Variants in KLHL21 observed in about 807,000 individuals in gnomAD.
KLHL21 encodes kelch-like protein 21.
In KLHL21, 42 loss-of-function variants were observed where a neutral mutation model predicts 44.1. The observed-to-expected ratio is 0.95, with a 90% CI of 0.74 to 1.23. KLHL21 has a LOEUF of 1.23. Ranked by LOEUF, KLHL21 falls within the 50% of genes most tolerant of loss-of-function variation. The pLI, the probability that KLHL21 is intolerant of heterozygous loss-of-function variation, is 0.00. For synonymous variants in KLHL21, 524 were observed against 411.6 expected, an observed-to-expected ratio of 1.27 and a Z score of -3.31; for missense variants, 918 against 889.1, an observed-to-expected ratio of 1.03 and a Z score of -0.41.
intron 2 of KLHL21, among the ~76,000 whole-genome samples, chr1:6,596,070 C>T (rs548389968): frequency 7.2e-5 from 11 of 152,326 alleles, no homozygotes; most frequent in African/African-American, 2.6e-4. Flanking sequence ...CCCTTTATAT[C>T]CCCACAGTAA....
intron 1 of KLHL21, among the ~76,000 whole-genome samples, chr1:6,601,154 A>C (rs1284881936): frequency 2.0e-5 from 3 of 152,236 alleles, no homozygotes; most frequent in African/African-American, 7.2e-5. Context: ...AAAACCGTAG[A>C]AGCCCAAACT....
At position 6,591,111 on chromosome 1, in the gene KLHL21, CTG is replaced by C; in HGVS notation, c.*2252_*2253del. On this transcript the variant is annotated 3_prime_UTR_variant, in exon 4 of 4. Coordinates refer to ENST00000377658, the MANE Select transcript of KLHL21 (RefSeq NM_014851.4). ...GCCCAGAACCCACAGCAGAGGGAAACTGGGGAGAGGAGGGGGCCTGACCCTGG... is the reference window on the plus strand; with the variant it reads ...GCCCAGAACCCACAGCAGAGGGAAACGGGAGAGGAGGGGGCCTGACCCTGG... The C allele has an allele frequency of 2.5e-6, 1 of 398,282 alleles. No individual in the cohort carries two copies. Among genetic ancestry groups the C allele is most frequent in the Non-Finnish European group, 4.4e-6 (1 of 225,910 alleles). The allele number at this position is 398,282 out of a possible 1,614,324, so 24.7% of individuals were successfully genotyped here. A position where few individuals can be genotyped will look rare whatever the true frequency, so the allele number is the denominator to read the frequency against.
In KLHL21 at chr1:6,593,312, C is replaced by A; in HGVS notation, c.*53G>T. The A allele has an allele frequency of 1.3e-6, 2 of 1,504,732 alleles. No homozygotes were observed. Among genetic ancestry groups the A allele is most frequent in the South Asian group, 2.5e-5 (2 of 80,938 alleles). 93.2% of individuals were successfully genotyped at this position (1,504,732 alleles called of 1,614,324 possible). A position where few individuals can be genotyped will look rare whatever the true frequency, so the allele number is the denominator to read the frequency against. The stretch of plus-strand genomic sequence containing the variant: ...TGTGCACAAAGGAGTGGGGCACTGC[C>A]CCGCAGAGGTGCCAGTTACCTGCAC... On this transcript the variant is annotated 3_prime_UTR_variant, in exon 4 of 4. Transcript: ENST00000377658.
rs765107274 is a variant in KLHL21 at position 6,602,004 on chromosome 1, G to A, written c.814C>T (p.Pro272Ser). 1 of 1,542,680 alleles carries A rather than the reference G, an allele frequency of 6.5e-7. No individual in the cohort carries two copies. Among genetic ancestry groups the A allele is most frequent in the Non-Finnish European group, 8.8e-7 (1 of 1,141,862 alleles). The change falls in exon 1 of 4, where the codon CCC becomes TCC. Residue 272 changes from proline to serine, a missense_variant. Coordinates refer to ENST00000377658, the MANE Select transcript of KLHL21 (RefSeq NM_014851.4). ...GGGCGAGGACGCATTCGGGGACAGGGCCCGCGGTCGTGGCGGTCGTAGCGC... is the reference window on the plus strand; with the variant it reads ...GGGCGAGGACGCATTCGGGGACAGGACCCGCGGTCGTGGCGGTCGTAGCGC... ...AARYDRHDRG[P>S]CPRMRPRPST... is the part of the protein sequence containing the mutation.
chr1:6,599,729 C>G (rs951969322), intron 1 of KLHL21: 4 of 479,502 alleles, frequency 8.3e-6, no homozygotes, highest in African/African-American at 7.8e-5. Context: ...CCTCTGGACA[C>G]CGCCCCCCAG....
rs1401883088 is a variant in KLHL21 at position 6,602,212 on chromosome 1, C to G, written c.606G>C (p.Ala202=). 6.6e-7 allele frequency: 1 copy of G among 1,518,886 alleles called. No individual in the cohort carries two copies. The highest frequency in any genetic ancestry group is 2.0e-5 in the Admixed American group (1 of 49,820). The allele number at this position is 1,518,886 out of a possible 1,614,324, so 94.1% of individuals were successfully genotyped here. A position where few individuals can be genotyped will look rare whatever the true frequency, so the allele number is the denominator to read the frequency against. ...GCGGGTCAGCGCGGACCCAGCGCAG[C>G]GCCAGCTGGTAGGCGGCCTCCTCCT... ...VPKEEAAYQL[A]LRWVRADPPR... is the part of the protein sequence containing the mutation. The change falls in exon 1 of 4, where the codon GCG becomes GCC. Residue 202 remains alanine (A), a synonymous_variant. Transcript: ENST00000377658.
At chr1:6,597,070 A>G (rs1477717755) in intron 2 of KLHL21, among the ~76,000 whole-genome samples, 1 of 152,240 alleles carries the variant, frequency 6.6e-6, no homozygotes. Flanking sequence ...TTAGGGCTCA[A>G]GCAGCTTCCA....
chr1:6,596,620 C>T (rs772360026), intron 2 of KLHL21, among the ~76,000 whole-genome samples: 15 of 152,130 alleles, frequency 9.9e-5, no homozygotes, highest in Non-Finnish European at 1.9e-4. Context: ...TTTTTTGCCC[C>T]CAATCATTTC....
Position 6,602,829 on chromosome 1 carries a change from T to C in KLHL21, c.-12A>G, listed in dbSNP as rs564591242. The C allele has an allele frequency of 4.7e-5, 67 of 1,421,520 alleles. No homozygotes were observed. In the African/African-American group the frequency reaches 8.6e-4, roughly 18 times the overall value. 88.1% of individuals were successfully genotyped at this position (1,421,520 alleles called of 1,614,324 possible). A position where few individuals can be genotyped will look rare whatever the true frequency, so the allele number is the denominator to read the frequency against. ...GCCGGTCGCTCCATGGCGCCTTCGA[T>C]AGGTTGTCGAGGACGCCGCGGCCGG... On this transcript the variant is annotated 5_prime_UTR_variant, in exon 1 of 4. Coordinates refer to ENST00000377658, the MANE Select transcript of KLHL21 (RefSeq NM_014851.4).
At chr1:6,593,711 G>A (rs1244570157) in intron 3 of KLHL21, 53 bp from the exon 4 acceptor site, 4 of 1,502,776 alleles carry the variant, frequency 2.7e-6, no homozygotes, top group East Asian at 2.3e-5. Context: ...GTAGGGCAGG[G>A]CCCCACCTGG....
At position 6,602,294 on chromosome 1, in the gene KLHL21, C is replaced by G; in HGVS notation, c.524G>C (p.Arg175Pro). The change falls in exon 1 of 4, where the codon CGG becomes CCG. Residue 175 changes from arginine to proline, a missense_variant. Coordinates refer to ENST00000377658, the MANE Select transcript of KLHL21 (RefSeq NM_014851.4). ...VGELGAEQLERLPLARLLRYL... is the reference protein window; with the variant it reads ...VGELGAEQLEPLPLARLLRYL... ...GCGCAGCAGGCGCGCCAGTGGCAGC[C>G]GCTCCAGCTGCTCGGCGCCCAGCTC... 1 of 1,556,466 alleles carries G rather than the reference C, an allele frequency of 6.4e-7. No individual in the cohort carries two copies. Among genetic ancestry groups the G allele is most frequent in the South Asian group, 1.2e-5 (1 of 85,826 alleles).
At position 6,593,485 on chromosome 1, in the gene KLHL21, G is replaced by C; in HGVS notation, c.1674C>G (p.Ile558Met). 6.2e-7 allele frequency: 1 copy of C among 1,613,878 alleles called. No individual in the cohort carries two copies. The highest frequency in any genetic ancestry group is 8.5e-7 in the Non-Finnish European group (1 of 1,180,020). ...AGGTCTGGGGCATGAACTGGCGGAA[G>C]ATGCTGACACTGCCATGCCAGAAGG... The part of the protein sequence containing the change: ...EPTFWHGSVS[I>M]FRQFMPQTFS... The change falls in exon 4 of 4, where the codon ATC becomes ATG. Residue 558 changes from isoleucine to methionine, a missense_variant. Transcript: ENST00000377658.
chr1:6,599,538 G>T, intron 1 of KLHL21, 86 bp from the exon 2 acceptor site: 1 of 1,359,730 alleles, frequency 7.4e-7, no homozygotes, highest in Non-Finnish European at 9.9e-7. Context: ...AAGGGCCTCT[G>T]CCTTGGGAGG....
Position 6,602,027 on chromosome 1 carries a change from C to A in KLHL21, c.791G>T (p.Arg264Leu), listed in dbSNP as rs756232825. ...GGGCCCGCGGTCGTGGCGGTCGTAGCGCGCCGCCTGGAAGTCGCGCGCCTC... is the reference window on the plus strand; with the variant it reads ...GGGCCCGCGGTCGTGGCGGTCGTAGAGCGCCGCCTGGAAGTCGCGCGCCTC... ...LREARDFQAA[R>L]YDRHDRGPCP... Residue 264 changes from arginine (R) to leucine (L), a missense_variant, in exon 1 of 4, where the codon CGC becomes CTC. Physicochemically the swap from Arg to Leu is moderately radical, Grantham distance 102 (BLOSUM62 -2). Coordinates refer to ENST00000377658, the MANE Select transcript of KLHL21 (RefSeq NM_014851.4). 9 of 1,532,650 alleles carry A rather than the reference C, an allele frequency of 5.9e-6. No individual in the cohort carries two copies. The South Asian group carries it at 8.5e-5, about 14-fold the overall frequency. 94.9% of individuals were successfully genotyped at this position (1,532,650 alleles called of 1,614,324 possible).
chr1:6,602,644 G>C lies in KLHL21; in HGVS notation c.174C>G (p.Ser58Arg). 6.6e-7 allele frequency: 1 copy of C among 1,515,304 alleles called. No homozygotes were observed. Among genetic ancestry groups the C allele is most frequent in the Non-Finnish European group, 8.8e-7 (1 of 1,138,342 alleles). 93.9% of individuals were successfully genotyped at this position (1,515,304 alleles called of 1,614,324 possible). The change falls in exon 1 of 4, where the codon AGC (serine) becomes AGG (arginine). Residue 58 changes from serine (S) to arginine (R), a missense_variant. Physicochemically the swap from Ser to Arg is moderately radical, Grantham distance 110. Transcript: ENST00000377658. The part of the protein sequence containing the change: ...PAHRAVLAAA[S>R]PYFRAMFAGQ... ...CCGCGAACATGGCGCGGAAGTAGGGGCTGGCGGCGGCCAGCACCGCACGGT... is the reference window on the plus strand; with the variant it reads ...CCGCGAACATGGCGCGGAAGTAGGGCCTGGCGGCGGCCAGCACCGCACGGT...
intron 2 of KLHL21, among the ~76,000 whole-genome samples, chr1:6,596,626 A>T (rs1016555881): frequency 6.6e-6 from 1 of 152,138 alleles, no homozygotes; most frequent in African/African-American, 2.4e-5. Flanking sequence ...GCCCCCAATC[A>T]TTTCAAAATG....
chr1:6,597,760 C>CA (rs1640947224), intron 2 of KLHL21, among the ~76,000 whole-genome samples: 1 of 152,254 alleles, frequency 6.6e-6, no homozygotes, highest in Non-Finnish European at 1.5e-5. Flanking sequence ...TTCAAAGCCC[C>CA]AGCACGAAAG....
intron 1 of KLHL21, 137 bp from the exon 2 acceptor site, chr1:6,599,589 C>T (rs1640986389): frequency 4.5e-6 from 4 of 897,702 alleles, no homozygotes; most frequent in African/African-American, 3.4e-5. Flanking sequence ...CACACCCTCT[C>T]CCCAAAAGCC....
At position 6,602,121 on chromosome 1, in the gene KLHL21, A is replaced by G; in HGVS notation, c.697T>C (p.Tyr233His). ...TCGGCCTCGACGTGCGCCAACAGGT[A>G]GAAGCGGCGCACGAAGGGCAGGCGC... ...AVRLPFVRRF[Y>H]LLAHVEAEPL... Residue 233 changes from tyrosine to histidine, a missense_variant, in exon 1 of 4, where the codon TAC (tyrosine) becomes CAC (histidine). By Grantham distance (83) the Tyr-to-His change is moderately conservative (BLOSUM62 2). Transcript: ENST00000377658. The G allele has an allele frequency of 6.9e-7, 1 of 1,441,822 alleles. No homozygotes were observed. The highest frequency in any genetic ancestry group is 9.0e-7 in the Non-Finnish European group (1 of 1,105,280). 89.3% of individuals were successfully genotyped at this position (1,441,822 alleles called of 1,614,324 possible).
Sources: gnomAD v4.1 joint callset for allele counts (sites outside exome capture counted in the v4.1 genomes callset) on GRCh38, gnomAD v4.1.1 for gene constraint, MANE v1.5 for transcripts, NCBI Gene and HGNC (gene_info 2026-07-23, HGNC 2026-07-21) for gene names.